Variants in KCNIP4 observed in about 807,000 individuals in gnomAD.
The protein encoded by KCNIP4 is Kv channel-interacting protein 4.
Under a neutral mutation model 34.0 loss-of-function variants are expected in KCNIP4, and 12 were observed. The observed-to-expected ratio is 0.35, with a 90% CI of 0.23 to 0.57. KCNIP4 has a LOEUF of 0.57. Ranked by LOEUF, KCNIP4 falls within the 20% of genes least tolerant of loss-of-function variation. KCNIP4 has a pLI of 0.83. For synonymous variants in KCNIP4, 124 were observed against 102.2 expected (o/e 1.21, Z -1.29); for missense variants, 238 against 311.7 (o/e 0.76, Z 1.78).
At chr4:21,127,468 T>C (rs1032070687) in intron 1 of KCNIP4, among the ~76,000 whole-genome samples, 2 of 152,190 alleles carry the variant, frequency 1.3e-5, no homozygotes, top group Admixed American at 6.5e-5. Flanking sequence ...TCTGAAATTA[T>C]TGTATTTATT....
intron 1 of KCNIP4, among the ~76,000 whole-genome samples, chr4:21,896,801 C>T (rs963304580): frequency 3.9e-5 from 6 of 151,964 alleles, no homozygotes; most frequent in African/African-American, 1.2e-4. Flanking sequence ...CACCTGTAAT[C>T]CTAGCTACTC....
intron 1 of KCNIP4, among the ~76,000 whole-genome samples, chr4:20,893,535 G>A (rs1045545167): frequency 1.3e-5 from 2 of 150,956 alleles, no homozygotes; most frequent in Admixed American, 6.6e-5. Context: ...TGATCCTCCC[G>A]CCTCAGCCTC....
chr4:21,586,233 ATATT>A (rs1741596144), intron 1 of KCNIP4, among the ~76,000 whole-genome samples: 2 of 152,142 alleles, frequency 1.3e-5, no homozygotes, highest in Admixed American at 6.6e-5. Context: ...ACTTAATTAT[ATATT>A]TATTTAAGTG....
chr4:20,951,166 G>T (rs1732752064), intron 1 of KCNIP4, among the ~76,000 whole-genome samples: 1 of 152,050 alleles, frequency 6.6e-6, no homozygotes, highest in Admixed American at 6.6e-5. Context: ...ATAGAAGGGA[G>T]ATCATGTGAG....
intron 1 of KCNIP4, among the ~76,000 whole-genome samples, chr4:21,504,475 A>AAAAAAAAAAAAGAAAGAAAGAAAGAAAG (rs1264431211): frequency 2.6e-4 from 26 of 101,862 alleles, no homozygotes; most frequent in African/African-American, 1.0e-3. Context: ...CAAAAAAAAA[A>AAAAAAAAAAAAGAAAGAAAGAAAGAAAG]AAAGAAAGAA....
intron 1 of KCNIP4, among the ~76,000 whole-genome samples, chr4:21,715,415 C>G (rs1322516939): frequency 1.3e-5 from 2 of 152,122 alleles, no homozygotes; most frequent in South Asian, 4.1e-4. Flanking sequence ...CAGGTGTGAG[C>G]CACCGCGCCC....
At chr4:21,416,052 G>A (rs1354138660) in intron 1 of KCNIP4, among the ~76,000 whole-genome samples, 1 of 152,190 alleles carries the variant, frequency 6.6e-6, no homozygotes, top group Non-Finnish European at 1.5e-5. Flanking sequence ...AGGCTGGAAG[G>A]CACAGCCATG....
chr4:20,771,450 T>C (rs1755871653), intron 3 of KCNIP4, among the ~76,000 whole-genome samples: 1 of 152,152 alleles, frequency 6.6e-6, no homozygotes, highest in Admixed American at 6.6e-5. Context: ...GCTACAACCT[T>C]CTTGTCCTTG....
At chr4:21,777,619 G>C (rs1472492126) in intron 1 of KCNIP4, among the ~76,000 whole-genome samples, 1 of 152,096 alleles carries the variant, frequency 6.6e-6, no homozygotes, top group Non-Finnish European at 1.5e-5. Flanking sequence ...TACATATAAA[G>C]AGAGAGGGTC....
chr4:21,595,083 A>G (rs1742535606), intron 1 of KCNIP4, among the ~76,000 whole-genome samples: 1 of 152,082 alleles, frequency 6.6e-6, no homozygotes, highest in African/African-American at 2.4e-5. Flanking sequence ...TCAACCTGTC[A>G]TCTAGGTTTT....
chr4:21,604,809 T>A (rs115831546), intron 1 of KCNIP4, among the ~76,000 whole-genome samples: 4,030 of 152,098 alleles, frequency 0.026, 179 homozygotes, highest in African/African-American at 0.09. Context: ...AAAATCACTG[T>A]GGGACAAAGA....
chr4:21,745,346 C>G (rs948463619), intron 1 of KCNIP4, among the ~76,000 whole-genome samples: 22 of 152,248 alleles, frequency 1.4e-4, no homozygotes, highest in African/African-American at 4.6e-4. Context: ...AGTAGCTACT[C>G]TTTATCTTTA....
intron 1 of KCNIP4, among the ~76,000 whole-genome samples, chr4:21,508,591 A>C (rs1257671676): frequency 6.6e-6 from 1 of 152,218 alleles, no homozygotes; most frequent in Non-Finnish European, 1.5e-5. Context: ...TGTTGGTTGA[A>C]GCTAGGAGTA....
intron 1 of KCNIP4, among the ~76,000 whole-genome samples, chr4:21,627,869 C>G (rs191993551): frequency 6.6e-6 from 1 of 151,806 alleles, no homozygotes; most frequent in South Asian, 2.1e-4. Flanking sequence ...AGGAATGGTG[C>G]GGTTATATTA....
chr4:21,490,978 A>G (rs75525090), intron 1 of KCNIP4, among the ~76,000 whole-genome samples: 2,963 of 152,260 alleles, frequency 0.019, 96 homozygotes, highest in East Asian at 0.12. Context: ...CAGCAGGTGC[A>G]AAGATCTGGA....
chr4:20,924,345 C>T (rs1729694618), intron 1 of KCNIP4, among the ~76,000 whole-genome samples: 1 of 152,132 alleles, frequency 6.6e-6, no homozygotes, highest in South Asian at 2.1e-4. Flanking sequence ...ATGGTGGTAC[C>T]AAGCCTAAGC....
At chr4:21,063,310 A>G (rs1006586607) in intron 1 of KCNIP4, among the ~76,000 whole-genome samples, 1 of 152,180 alleles carries the variant, frequency 6.6e-6, no homozygotes, top group Non-Finnish European at 1.5e-5. Context: ...TACACCATCT[A>G]TTCTACACTA....
intron 1 of KCNIP4, among the ~76,000 whole-genome samples, chr4:20,980,780 T>C (rs1190402996): frequency 6.6e-6 from 1 of 151,420 alleles, no homozygotes; most frequent in African/African-American, 2.4e-5. Flanking sequence ...ATTTCTACTC[T>C]GGGCCTTTTC....
At chr4:21,923,673 C>A (rs930296828) in intron 1 of KCNIP4, among the ~76,000 whole-genome samples, 1 of 152,148 alleles carries the variant, frequency 6.6e-6, no homozygotes, top group East Asian at 1.9e-4. Flanking sequence ...ATCTCCTCCA[C>A]GAAGTCTTCC....
Sources: allele counts gnomAD v4.1 joint callset (sites outside exome capture counted in the v4.1 genomes callset), GRCh38; gene constraint gnomAD v4.1.1; transcripts MANE v1.5; gene names NCBI Gene and HGNC (gene_info 2026-07-23, HGNC 2026-07-21).